The following PDE1C variants were observed in gnomAD, a reference collection of about 807,000 sequenced individuals.
The protein encoded by PDE1C is dual specificity calcium/calmodulin-dependent 3',5'-cyclic nucleotide phosphodiesterase 1C.
A neutral mutation model predicts 93.1 loss-of-function variants in PDE1C; 62 were observed. That is an observed-to-expected ratio of 0.67 (90% CI 0.54 to 0.82). PDE1C has a LOEUF of 0.82. PDE1C is among the 40% of genes least tolerant of loss of function. PDE1C has a pLI of 0.00. For missense variants in PDE1C, 742 were observed against 884.6 expected (o/e 0.84, Z 2.04); for synonymous variants, 325 against 310.1 (o/e 1.05, Z -0.50).
intron 16 of PDE1C, among the ~76,000 whole-genome samples, chr7:31,797,073 C>T (rs1207446331): frequency 1.3e-5 from 2 of 151,622 alleles, no homozygotes; most frequent in African/African-American, 4.8e-5. Flanking sequence ...CCTGCTAAAC[C>T]ATGGCATTTC....
intron 9 of PDE1C, among the ~76,000 whole-genome samples, chr7:31,846,770 T>C (rs1792676069): frequency 6.6e-6 from 1 of 152,106 alleles, no homozygotes; most frequent in African/African-American, 2.4e-5. Flanking sequence ...GGATAGAGGG[T>C]TCCTTTTTTC....
chr7:32,257,951 G>T (rs967901019), intron 1 of PDE1C, among the ~76,000 whole-genome samples: 3 of 152,230 alleles, frequency 2.0e-5, no homozygotes, highest in Non-Finnish European at 2.9e-5. Flanking sequence ...GGCATAGCAG[G>T]TTACATGCTG....
the PDE1C span, among the ~76,000 whole-genome samples, chr7:31,682,937 T>C: frequency 6.6e-6 from 1 of 152,138 alleles, no homozygotes; most frequent in South Asian, 2.1e-4. Flanking sequence ...AATAAAATGA[T>C]AGAGAGAGAG....
At position 32,064,535 on chromosome 7, in the gene PDE1C, G is replaced by T. The variant is rs1381374808; in HGVS notation, c.101+5758C>A. 2.6e-5 allele frequency among the ~76,000 whole-genome samples: 4 copies of T among 152,258 alleles called. No homozygotes were observed. The South Asian group carries it at 8.3e-4, about 32-fold the overall frequency. ...TCCCCAACTGGTCTCCAGGCCTCGA[G>T]TCGCATCTCCAATCTGTCCTCCACC... On this transcript the variant is annotated intron_variant, in intron 1 of 17. Coordinates refer to ENST00000396191, the MANE Select transcript of PDE1C (RefSeq NM_001191057.4).
intron 2 of PDE1C, among the ~76,000 whole-genome samples, chr7:32,013,105 T>A (rs1315825265): frequency 2.0e-5 from 3 of 152,214 alleles, no homozygotes; most frequent in Non-Finnish European, 2.9e-5. Context: ...TCTTCCCCAC[T>A]TTCTCATTCA....
intron 2 of PDE1C, among the ~76,000 whole-genome samples, chr7:32,039,266 A>T (rs1270586942): frequency 6.6e-6 from 1 of 152,146 alleles, no homozygotes; most frequent in Non-Finnish European, 1.5e-5. Context: ...AACAGAGCAC[A>T]CTTGTAGTTA....
intron 1 of PDE1C, among the ~76,000 whole-genome samples, chr7:32,388,544 G>A (rs2128092408): frequency 6.6e-6 from 1 of 152,056 alleles, no homozygotes; most frequent in Admixed American, 6.6e-5. Flanking sequence ...GCCGAGCATG[G>A]GGGTGCACAT....
the PDE1C span, among the ~76,000 whole-genome samples, chr7:31,634,155 G>T: frequency 6.6e-6 from 1 of 152,182 alleles, no homozygotes; most frequent in East Asian, 1.9e-4. Flanking sequence ...CTCCTAGGCA[G>T]AAATGTTTCC....
At chr7:32,177,265 G>A (rs57605367) in intron 2 of PDE1C, among the ~76,000 whole-genome samples, 1,980 of 152,276 alleles carry the variant, frequency 0.013, 46 homozygotes, top group African/African-American at 0.045. Flanking sequence ...ATTCCAGGAG[G>A]CAGGAGAGGA....
the PDE1C span, chr7:31,655,918 G>A: frequency 2.0e-6 from 2 of 985,456 alleles, no homozygotes; most frequent in African/African-American, 3.5e-5. Flanking sequence ...GCAGCCATCT[G>A]CTTTACCAGT....
At chr7:31,959,134 T>C (rs1056363164) in intron 2 of PDE1C, among the ~76,000 whole-genome samples, 2 of 152,216 alleles carry the variant, frequency 1.3e-5, no homozygotes, top group Admixed American at 6.5e-5. Context: ...TATGTAATAA[T>C]TGTTTACAAA....
At chr7:32,004,413 C>T (rs1342158903) in intron 2 of PDE1C, among the ~76,000 whole-genome samples, 1 of 152,156 alleles carries the variant, frequency 6.6e-6, no homozygotes, top group Admixed American at 6.5e-5. Flanking sequence ...TTACTGCATA[C>T]AGGCCACCTG....
At chr7:31,938,933 CAA>C (rs1293688972) in intron 2 of PDE1C, among the ~76,000 whole-genome samples, 5 of 152,250 alleles carry the variant, frequency 3.3e-5, no homozygotes, top group African/African-American at 1.2e-4. Context: ...GCATCATTGT[CAA>C]GAGCTCAGCA....
the PDE1C span, among the ~76,000 whole-genome samples, chr7:31,714,675 A>T: frequency 6.6e-6 from 1 of 152,240 alleles, no homozygotes; most frequent in Non-Finnish European, 1.5e-5. Flanking sequence ...GGCAAAGAGG[A>T]GCAAGCCATG....
intron 1 of PDE1C, among the ~76,000 whole-genome samples, chr7:32,295,893 CAAAAAAAAAA>C (rs147462417): frequency 1.2e-5 from 1 of 85,124 alleles, no homozygotes; most frequent in Non-Finnish European, 2.4e-5. Flanking sequence ...GACTCTGTCT[CAAAAAAAAAA>C]AAAAAAAAAA....
intron 3 of PDE1C, among the ~76,000 whole-genome samples, chr7:32,118,972 A>G (rs530883311): frequency 2.0e-5 from 3 of 152,298 alleles, no homozygotes; most frequent in African/African-American, 7.2e-5. Flanking sequence ...GATGGGGGGT[A>G]GAGGCAGTAT....
chr7:32,281,268 T>A (rs1409388712), intron 1 of PDE1C, among the ~76,000 whole-genome samples: 2 of 152,148 alleles, frequency 1.3e-5, no homozygotes, highest in Admixed American at 1.3e-4. Flanking sequence ...TATAAATGAA[T>A]AAAACTGATA....
At chr7:32,368,306 T>G (rs1784262028) in intron 1 of PDE1C, among the ~76,000 whole-genome samples, 1 of 151,994 alleles carries the variant, frequency 6.6e-6, no homozygotes, top group Admixed American at 6.5e-5. Flanking sequence ...TTCAGCAAAA[T>G]TGCAGCATAC....
chr7:32,344,227 C>T (rs1274035309), intron 1 of PDE1C, among the ~76,000 whole-genome samples: 1 of 152,218 alleles, frequency 6.6e-6, no homozygotes, highest in African/African-American at 2.4e-5. Context: ...GCATGTGCTA[C>T]CACACCCAGC....
Sources: gnomAD v4.1 joint callset for allele counts (sites outside exome capture counted in the v4.1 genomes callset) on GRCh38, gnomAD v4.1.1 for gene constraint, MANE v1.5 for transcripts, NCBI Gene and HGNC (gene_info 2026-07-23, HGNC 2026-07-21) for gene names.